The following HNRNPD variants were observed in gnomAD, a reference collection of about 807,000 sequenced individuals.
HNRNPD encodes the protein heterogeneous nuclear ribonucleoprotein D0.
In HNRNPD, 3 loss-of-function variants were observed where a neutral mutation model predicts 47.9. The ratio of observed to expected loss-of-function variants is 0.06; its 90% CI spans 0.03 to 0.16. The LOEUF (loss-of-function observed/expected upper bound fraction) is 0.16. HNRNPD is among the 10% of genes least tolerant of loss of function. The pLI is 1.00. For missense variants in HNRNPD, 287 were observed against 454.2 expected, an observed-to-expected ratio of 0.63 and a Z score of 3.35; for synonymous variants, 171 against 165.1, an observed-to-expected ratio of 1.04 and a Z score of -0.28.
rs949253179 is a variant in HNRNPD at position 82,373,510 on chromosome 4, C to G, written c.169G>C (p.Glu57Gln). Residue 57 changes from glutamate to glutamine, a missense_variant, in exon 1 of 9, where the codon GAA (glutamate) becomes CAA (glutamine). Physicochemically the swap from Glu to Gln is conservative, Grantham distance 29 (BLOSUM62 2). Coordinates refer to ENST00000313899, the MANE Select transcript of HNRNPD (RefSeq NM_031370.3). ...CCCTCCGACTCGGCGCTGCCCCCTT[C>G]GGTGCCTCCAGACGCGGTTCCGCCC... ...TGGGTASGGT[E>Q]GGSAESEGAK... 1 of 1,548,286 alleles carries G rather than the reference C, an allele frequency of 6.5e-7. No homozygotes were observed. Among genetic ancestry groups the G allele is most frequent in the African/African-American group, 1.4e-5 (1 of 72,512 alleles).
At chr4:82,358,917 C>T (rs921214554) in intron 3 of HNRNPD, 97 bp from the exon 4 acceptor site, 1 of 895,412 alleles carries the variant, frequency 1.1e-6, no homozygotes. Context: ...ACAGATAATG[C>T]CAAGCATATG....
chr4:82,356,708 A>G (rs994950585), intron 6 of HNRNPD, 25 bp from the exon 7 acceptor site: 6 of 1,613,636 alleles, frequency 3.7e-6, no homozygotes, highest in Non-Finnish European at 5.1e-6. Flanking sequence ...TAGGTTCACT[A>G]AAGTCAGAAG....
Position 82,373,784 on chromosome 4 carries a change from C to G in HNRNPD, c.-106G>C. ...CCGCTGCCGCGCGCCCGCTCTACCTCGCGAAGCACACAAGACAGGGAAGGC... is the reference window on the plus strand; with the variant it reads ...CCGCTGCCGCGCGCCCGCTCTACCTGGCGAAGCACACAAGACAGGGAAGGC... On this transcript the variant is annotated 5_prime_UTR_variant, in exon 1 of 9. Coordinates refer to ENST00000313899, the MANE Select transcript of HNRNPD (RefSeq NM_031370.3). 1 of 1,524,820 alleles carries G rather than the reference C, an allele frequency of 6.6e-7. No individual in the cohort carries two copies. The highest frequency in any genetic ancestry group is 8.8e-7 in the Non-Finnish European group (1 of 1,142,266). The allele number at this position is 1,524,820 out of a possible 1,614,324, so 94.5% of individuals were successfully genotyped here.
At chr4:82,367,316 A>C (rs1281063371) in intron 2 of HNRNPD, among the ~76,000 whole-genome samples, 1 of 152,132 alleles carries the variant, frequency 6.6e-6, no homozygotes, top group East Asian at 1.9e-4. Flanking sequence ...TATTTTCCTT[A>C]ACCTGAAGGT....
In HNRNPD at chr4:82,353,997, T is replaced by C. The variant is rs1453211315; in HGVS notation, c.*188A>G. ...TAAGAAATAAAACAATGAAAGCAAATTTCTTTTAATGAGAACTCAGAATTA... is the reference window on the plus strand; with the variant it reads ...TAAGAAATAAAACAATGAAAGCAAACTTCTTTTAATGAGAACTCAGAATTA... On this transcript the variant is annotated 3_prime_UTR_variant, in exon 9 of 9. Coordinates refer to ENST00000313899, the MANE Select transcript of HNRNPD (RefSeq NM_031370.3). 6.6e-6 allele frequency: 1 copy of C among 152,640 alleles called. No homozygotes were observed. Among genetic ancestry groups the C allele is most frequent in the African/African-American group, 2.4e-5 (1 of 41,458 alleles). 9.5% of individuals were successfully genotyped at this position (152,640 alleles called of 1,614,324 possible).
intron 2 of HNRNPD, among the ~76,000 whole-genome samples, chr4:82,369,094 T>C (rs964802712): frequency 4.6e-5 from 7 of 152,334 alleles, no homozygotes; most frequent in African/African-American, 1.7e-4. Flanking sequence ...TAACACAACA[T>C]TGTAGTTTCC....
chr4:82,359,504 A>G lies in HNRNPD; in HGVS notation c.426T>C (p.Phe142=), dbSNP rs1271054528. The G allele has an allele frequency of 6.3e-7, 1 of 1,592,992 alleles. No individual in the cohort carries two copies. Residue 142 remains phenylalanine, a synonymous_variant, in exon 3 of 9, where the codon TTT becomes TTC. Transcript: ENST00000313899. Reference sequence around the variant, plus strand: ...CACTCTCCGATTCTTTAAATAGCACAAAGCCAAAACCCCTTGATCGCCCTG... The same window carrying G: ...CACTCTCCGATTCTTTAAATAGCACGAAGCCAAAACCCCTTGATCGCCCTG... The part of the protein sequence containing the change: ...PITGRSRGFG[F]VLFKESESVD...
chr4:82,365,657 T>C (rs1490268484), intron 2 of HNRNPD, among the ~76,000 whole-genome samples: 1 of 152,012 alleles, frequency 6.6e-6, no homozygotes, highest in Non-Finnish European at 1.5e-5. Context: ...CAGGCTGTGG[T>C]GCAATGGTGT....
At chr4:82,355,014 A>C in intron 8 of HNRNPD, 1 of 376,696 alleles carries the variant, frequency 2.7e-6, no homozygotes. Flanking sequence ...GGCGGGTACA[A>C]ACAAGGTATA....
At chr4:82,359,381 G>T in intron 3 of HNRNPD, 90 bp downstream of exon 3, 1 of 869,542 alleles carries the variant, frequency 1.2e-6, no homozygotes, top group South Asian at 3.6e-5. Context: ...TATCAAAATG[G>T]GGAACCACAA....
rs756433855 is a variant in HNRNPD, at chr4:82,357,439, T to A, written c.627A>T (p.Glu209Asp). ...TGTTGTCCATGGGGAGCTCTATGGA[T>A]TCCACCTGGTATTAAAAAACAAATT... is the stretch of plus-strand genomic sequence containing the variant. ...REYFGGFGEV[E>D]SIELPMDNKT... Residue 209 changes from glutamate to aspartate, a missense_variant, in exon 5 of 9, where the codon GAA becomes GAT. Physicochemically the swap from Glu to Asp is conservative, Grantham distance 45 (BLOSUM62 2). Around this residue, in one of 5 missense-constraint regions of HNRNPD, gnomAD observed 39 missense variants for 113.1 expected, o/e 0.34. Transcript: ENST00000313899. The A allele has an allele frequency of 1.9e-6, 3 of 1,596,218 alleles. No individual in the cohort carries two copies. In the East Asian group the frequency reaches 6.7e-5, roughly 36 times the overall value.
rs117269275 is a variant in HNRNPD, at chr4:82,358,326, C to T, written c.621+333G>A. On this transcript the variant is annotated intron_variant, in intron 4 of 8. Transcript: ENST00000313899. ...CATTTCAACTGATAAGGCACTACAC[C>T]CTATTCTTAATTCCTTTCCTATTTT... The T allele has an allele frequency of 2.3e-3, 482 of 213,562 alleles. 21 individuals carry two copies. In the East Asian group the frequency reaches 0.05, roughly 22 times the overall value. 13.2% of individuals were successfully genotyped at this position (213,562 alleles called of 1,614,324 possible). A position where few individuals can be genotyped will look rare whatever the true frequency, so the allele number is the denominator to read the frequency against.
chr4:82,362,618 T>C (rs944578394), intron 2 of HNRNPD, among the ~76,000 whole-genome samples: 37 of 152,240 alleles, frequency 2.4e-4, no homozygotes, highest in South Asian at 2.1e-4. Flanking sequence ...GGTTGCTTAG[T>C]TTTTGAGACA....
At position 82,355,285 on chromosome 4, in the gene HNRNPD, A is replaced by AC. The variant is rs1269357413; in HGVS notation, c.*30+18_*30+19insG. ...ACTACTATTGTAAATGACAAAAAAA[A>AC]ACTATTTTTAGAACATACCTGTTGG... On this transcript the variant is annotated intron_variant, in intron 8 of 8. Coordinates refer to ENST00000313899, the MANE Select transcript of HNRNPD (RefSeq NM_031370.3). 7 of 1,382,962 alleles carry AC rather than the reference A, an allele frequency of 5.1e-6. No homozygotes were observed. In the African/African-American group the frequency reaches 8.7e-5, roughly 17 times the overall value. The allele number at this position is 1,382,962 out of a possible 1,614,324, so 85.7% of individuals were successfully genotyped here. A position where few individuals can be genotyped will look rare whatever the true frequency, so the allele number is the denominator to read the frequency against.
intron 1 of HNRNPD, among the ~76,000 whole-genome samples, chr4:82,372,416 C>T (rs1472658755): frequency 6.6e-6 from 1 of 152,056 alleles, no homozygotes; most frequent in Non-Finnish European, 1.5e-5. Context: ...AAAAGTATCC[C>T]ATAGCACAAT....
intron 2 of HNRNPD, among the ~76,000 whole-genome samples, chr4:82,366,305 G>A (rs1719753276): frequency 2.0e-5 from 3 of 152,202 alleles, no homozygotes; most frequent in South Asian, 2.1e-4. Context: ...GTGCGGTGGC[G>A]CGATCTTGGC....
intron 2 of HNRNPD, among the ~76,000 whole-genome samples, chr4:82,360,495 A>T (rs1454992437): frequency 6.6e-6 from 1 of 152,066 alleles, no homozygotes; most frequent in Non-Finnish European, 1.5e-5. Flanking sequence ...AATAAATAAA[A>T]AGCTATCCTA....
chr4:82,373,484 C>T lies in HNRNPD; in HGVS notation c.195G>A (p.Gly65=). The T allele has an allele frequency of 6.4e-7, 1 of 1,556,578 alleles. No individual in the cohort carries two copies. Among genetic ancestry groups the T allele is most frequent in the Non-Finnish European group, 8.7e-7 (1 of 1,149,524 alleles). The change falls in exon 1 of 9, where the codon GGG becomes GGA. Residue 65 remains glycine, a synonymous_variant. Transcript: ENST00000313899. ...GTEGGSAESE[G]AKIDASKNEE... is the part of the protein sequence containing the mutation. Reference sequence around the variant, plus strand: ...CGTTCTTACTGGCGTCAATCTTCGCCCCCTCCGACTCGGCGCTGCCCCCTT... The same window carrying T: ...CGTTCTTACTGGCGTCAATCTTCGCTCCCTCCGACTCGGCGCTGCCCCCTT...
At chr4:82,373,198 C>G (rs763965622) in intron 1 of HNRNPD, 6 of 689,120 alleles carry the variant, frequency 8.7e-6, no homozygotes, top group Non-Finnish European at 5.2e-6. Context: ...GAGGGCGGGC[C>G]GAGGAGCAGC....
Sources: allele counts gnomAD v4.1 joint callset (sites outside exome capture counted in the v4.1 genomes callset), GRCh38; gene constraint gnomAD v4.1.1; regional missense constraint gnomAD v4.1.1; transcripts MANE v1.5; gene names NCBI Gene and HGNC (gene_info 2026-07-23, HGNC 2026-07-21).